Variants in PCSK4 observed in about 807,000 individuals in gnomAD.
PCSK4 encodes proprotein convertase subtilisin/kexin type 4.
PCSK4 carries 64 observed loss-of-function variants against 80.3 expected under a neutral mutation model. The ratio of observed to expected loss-of-function variants is 0.80; its 90% confidence interval spans 0.65 to 0.98. PCSK4 has a LOEUF of 0.98. Ranked by LOEUF, PCSK4 falls within the 50% of genes least tolerant of loss-of-function variation. PCSK4 has a pLI of 0.00. For synonymous variants in PCSK4, 561 were observed against 487.6 expected (o/e 1.15, Z -1.98); for missense variants, 1,213 against 1,093.6 (o/e 1.11, Z -1.54).
chr19:1,487,235 A>T, exon 7 of PCSK4: 2 of 1,606,758 alleles, frequency 1.2e-6, no homozygotes, highest in Non-Finnish European at 1.7e-6. Context: ...GGCGCTGTAA[A>T]TGTGGATGTG....
At chr19:1,489,608 G>A (rs994139856) in intron 2 of PCSK4, 185 bp downstream of exon 2, 3 of 1,078,952 alleles carry the variant, frequency 2.8e-6, no homozygotes, top group African/African-American at 3.2e-5. Context: ...CCTGGCAGGC[G>A]CCATGATTTC....
intron 13 of PCSK4, 173 bp downstream of exon 13, chr19:1,482,723 C>T (rs2084366165): frequency 2.6e-6 from 2 of 779,386 alleles, no homozygotes; most frequent in African/African-American, 3.5e-5. Flanking sequence ...CTACTGTGTG[C>T]CTGTCATTGC....
Position 1,487,821 on chromosome 19 carries a change from TC to T in PCSK4, c.556del (p.Asp186ThrfsTer60). ...GCTGGGGGTGTAGCGGGGCTGGGGG[TC>T]CGGGTCGTAGTCATTGAAGTCATAG... On this transcript the variant is annotated frameshift_variant, in exon 5 of 15. Coordinates refer to ENST00000300954, the Ensembl canonical transcript of PCSK4. LOFTEE classifies it high-confidence loss of function. 1 of 1,570,146 alleles carries T rather than the reference TC, an allele frequency of 6.4e-7. No homozygotes were observed. Among genetic ancestry groups the T allele is most frequent in the Non-Finnish European group, 8.6e-7 (1 of 1,158,254 alleles).
chr19:1,487,905 G>A, intron 4 of PCSK4, 44 bp from the exon 5 acceptor site: 1 of 1,578,798 alleles, frequency 6.3e-7, no homozygotes. Context: ...GGCGTCCCTA[G>A]GGTGGTGCCA....
chr19:1,489,962 C>G, intron 1 of PCSK4, 65 bp from the exon 2 acceptor site: 1 of 1,546,132 alleles, frequency 6.5e-7, no homozygotes, highest in South Asian at 1.2e-5. Flanking sequence ...CCCCGAGGGC[C>G]GGTAACAGCC....
At chr19:1,482,072 C>T (rs754834449) in exon 15 of PCSK4, 46 of 1,553,560 alleles carry the variant, frequency 3.0e-5, no homozygotes, top group Non-Finnish European at 4.0e-5. Flanking sequence ...GGAGGCATGG[C>T]AGCTGGAGCA....
chr19:1,483,908 C>T (rs1248476513), exon 10 of PCSK4: 4 of 1,487,846 alleles, frequency 2.7e-6, no homozygotes, highest in East Asian at 5.6e-5. Context: ...CGCGGACCAC[C>T]AGGTGCTGCA....
chr19:1,484,972 C>A (rs112186272), intron 8 of PCSK4, among the ~76,000 whole-genome samples: 1 of 151,774 alleles, frequency 6.6e-6, no homozygotes, highest in Admixed American at 6.6e-5. Context: ...ATGGTGAAAC[C>A]CCGTCTCTAC....
chr19:1,483,120 G>A (rs146098558), intron 12 of PCSK4, 100 bp from the exon 13 acceptor site: 3 of 1,283,660 alleles, frequency 2.3e-6, no homozygotes, highest in Non-Finnish European at 3.2e-6. Context: ...GCTGGTGGCC[G>A]CGTGTCCTCT....
At chr19:1,483,405 T>C in exon 12 of PCSK4, 1 of 1,602,790 alleles carries the variant, frequency 6.2e-7, no homozygotes, top group Non-Finnish European at 8.5e-7. Context: ...CGGATGGAGT[T>C]GTGGAGGCCG....
chr19:1,484,062 C>T, exon 9 of PCSK4: 1 of 1,562,986 alleles, frequency 6.4e-7, no homozygotes, highest in East Asian at 2.4e-5. Context: ...TGCCGGCCGC[C>T]AGTGGGGCTG....
At chr19:1,482,283 G>T (rs1292212432) in intron 14 of PCSK4, 70 bp downstream of exon 14, 1 of 1,530,254 alleles carries the variant, frequency 6.5e-7, no homozygotes, top group Non-Finnish European at 8.7e-7. Flanking sequence ...CCCGCCTGGG[G>T]CCACATGCAC....
At position 1,483,356 on chromosome 19, in the gene PCSK4, T is replaced by C. The variant is rs1568206191; in HGVS notation, c.1499A>G (p.Tyr500Cys). ...GATCTCCAGGTCTCCGCGCCGGCTG[T>C]AGGACAGCGTCAGCTGCGCCTGCAC... The change falls in exon 12 of 15, where the codon TAC becomes TGC. Residue 500 changes from tyrosine (Y) to cysteine (C), a missense_variant. Coordinates refer to ENST00000300954, the Ensembl canonical transcript of PCSK4. 1.2e-6 allele frequency: 2 copies of C among 1,609,624 alleles called. No individual in the cohort carries two copies. The highest frequency in any genetic ancestry group is 1.3e-5 in the African/African-American group (1 of 75,040).
chr19:1,487,857 G>A, exon 5 of PCSK4: 1 of 1,545,318 alleles, frequency 6.5e-7, no homozygotes, highest in Non-Finnish European at 8.8e-7. Context: ...GCTGGCCAGG[G>A]GGTCCTGGGG....
chr19:1,482,047 GC>G lies in PCSK4; in HGVS notation c.1979del (p.Arg660ProfsTer53). The G allele has an allele frequency of 6.4e-7, 1 of 1,559,380 alleles. No individual in the cohort carries two copies. Among genetic ancestry groups the G allele is most frequent in the Non-Finnish European group, 8.7e-7 (1 of 1,155,132 alleles). On this transcript the variant is annotated frameshift_variant, in exon 15 of 15. Coordinates refer to ENST00000300954, the Ensembl canonical transcript of PCSK4. LOFTEE classifies it low-confidence loss of function (END_TRUNC). ...AGGTGCAGTCCCTCGGGGAGCCGCC[GC>G]GGCAGGTGTAGCAGGAGGCATGGCA... is the stretch of plus-strand genomic sequence containing the variant.
At chr19:1,485,668 G>A (rs2084564274) in intron 8 of PCSK4, among the ~76,000 whole-genome samples, 1 of 151,362 alleles carries the variant, frequency 6.6e-6, no homozygotes, top group Non-Finnish European at 1.5e-5. Flanking sequence ...TCAGGAGATC[G>A]AGATCATCCT....
At chr19:1,487,307 C>T (rs754622127) in exon 7 of PCSK4, 21 of 1,587,488 alleles carry the variant, frequency 1.3e-5, no homozygotes, top group East Asian at 2.2e-5. Context: ...GTCCAGCATC[C>T]GTACGCCTGC....
intron 2 of PCSK4, among the ~76,000 whole-genome samples, chr19:1,488,723 G>A (rs2084775417): frequency 6.6e-6 from 1 of 152,092 alleles, no homozygotes; most frequent in Non-Finnish European, 1.5e-5. Flanking sequence ...TGGGACTACA[G>A]GCGCACACCA....
exon 15 of PCSK4, chr19:1,482,008 G>A: frequency 6.3e-7 from 1 of 1,583,850 alleles, no homozygotes. Context: ...CCAGCGTGGA[G>A]GATGGGGGAC....
Sources: gnomAD v4.1 joint callset for allele counts (sites outside exome capture counted in the v4.1 genomes callset) on GRCh38, gnomAD v4.1.1 for gene constraint, MANE v1.5 for transcripts, NCBI Gene and HGNC (gene_info 2026-07-23, HGNC 2026-07-21) for gene names.